The following NUP93 variants were observed in gnomAD, a reference collection of about 807,000 sequenced individuals.
NUP93 encodes nuclear pore complex protein Nup93.
A neutral mutation model predicts 107.8 loss-of-function variants in NUP93; 55 were observed. The ratio of observed to expected loss-of-function variants is 0.51; its 90% CI spans 0.41 to 0.64. The LOEUF (loss-of-function observed/expected upper bound fraction) is 0.64. Among genes scored for constraint, NUP93 ranks in the 30% least tolerant of loss-of-function variants. The pLI, the probability that NUP93 is intolerant of heterozygous loss-of-function variation, is 0.00. For missense variants in NUP93, 937 were observed against 1,044.7 expected (o/e 0.90, Z 1.42); for synonymous variants, 390 against 397.5 (o/e 0.98, Z 0.22).
intron 2 of NUP93, among the ~76,000 whole-genome samples, chr16:56,757,053 G>A (rs1567377798): frequency 6.6e-6 from 1 of 152,154 alleles, no homozygotes; most frequent in Non-Finnish European, 1.5e-5. Context: ...CATCATAGTT[G>A]ACGTGGAAGA....
intron 21 of NUP93, among the ~76,000 whole-genome samples, chr16:56,842,249 G>A (rs1964040278): frequency 6.6e-6 from 1 of 152,158 alleles, no homozygotes; most frequent in Non-Finnish European, 1.5e-5. Context: ...TGTTCACAGT[G>A]ACCCTAGAGA....
At chr16:56,826,813 C>T (rs903948502) in intron 8 of NUP93, among the ~76,000 whole-genome samples, 28 of 151,550 alleles carry the variant, frequency 1.8e-4, no homozygotes, top group Admixed American at 1.6e-3. Flanking sequence ...TTTGAGAGGC[C>T]GAGGCGGGCA....
chr16:56,805,931 C>T (rs1229747526), intron 5 of NUP93, among the ~76,000 whole-genome samples: 6 of 151,820 alleles, frequency 4.0e-5, no homozygotes, highest in African/African-American at 1.5e-4. Context: ...GTGATTTCAT[C>T]TGGGGCTTGG....
At chr16:56,748,152 G>T in intron 1 of NUP93, 82 bp from the exon 2 acceptor site, 3 of 971,412 alleles carry the variant, frequency 3.1e-6, no homozygotes, top group Non-Finnish European at 3.1e-6. Flanking sequence ...CTGCTGTTTT[G>T]TTAAGCTTGT....
intron 5 of NUP93, among the ~76,000 whole-genome samples, chr16:56,808,317 G>A (rs34851809): frequency 0.47 from 14 of 30 alleles, 6 homozygotes; most frequent in South Asian, 1. Flanking sequence ...ATATAGTTAT[G>A]TAACTATATA....
At position 56,816,743 on chromosome 16, in the gene NUP93, T is replaced by A. The variant is rs371574822; in HGVS notation, c.490-1921T>A. On this transcript the variant is annotated intron_variant, in intron 5 of 21. Transcript: ENST00000308159. ...GGGTATATTCAGTGGTGTATAGGGA[T>A]CAACACATGAGGACCTGTTGTTAAA... is the stretch of plus-strand genomic sequence containing the variant. Among the ~76,000 whole-genome samples, 11 of 152,258 alleles carry A rather than the reference T, an allele frequency of 7.2e-5. No homozygotes were observed. In the East Asian group the frequency reaches 1.9e-3, roughly 27 times the overall value.
intron 5 of NUP93, among the ~76,000 whole-genome samples, 188 bp from the exon 6 acceptor site, chr16:56,818,476 C>G (rs966455428): frequency 6.6e-6 from 1 of 152,168 alleles, no homozygotes; most frequent in Non-Finnish European, 1.5e-5. Context: ...CTGCTCTCTT[C>G]TCATGTGTTC....
chr16:56,767,284 G>C (rs1962232685), intron 3 of NUP93, among the ~76,000 whole-genome samples: 1 of 152,240 alleles, frequency 6.6e-6, no homozygotes, highest in Non-Finnish European at 1.5e-5. Context: ...TGCAGCACTT[G>C]AAGCACTGCA....
chr16:56,804,999 G>C (rs1330988893), intron 4 of NUP93, among the ~76,000 whole-genome samples: 1 of 151,952 alleles, frequency 6.6e-6, no homozygotes, highest in Non-Finnish European at 1.5e-5. Context: ...TTGTCAGTAA[G>C]TTTATTTATT....
intron 5 of NUP93, among the ~76,000 whole-genome samples, chr16:56,815,587 G>T (rs1963403831): frequency 6.6e-6 from 1 of 152,176 alleles, no homozygotes; most frequent in Non-Finnish European, 1.5e-5. Flanking sequence ...TGTGTTCGTT[G>T]TGGTGGTTTC....
chr16:56,786,011 A>G (rs1179283781), intron 3 of NUP93, among the ~76,000 whole-genome samples: 1 of 152,170 alleles, frequency 6.6e-6, no homozygotes, highest in Admixed American at 6.5e-5. Context: ...GTGCTTCTTT[A>G]TGGTGAGGTG....
At chr16:56,785,287 T>C (rs1275773313) in intron 3 of NUP93, among the ~76,000 whole-genome samples, 6 of 152,158 alleles carry the variant, frequency 3.9e-5, no homozygotes, top group African/African-American at 1.4e-4. Context: ...TTTTTCCTTT[T>C]GTTGGCTTTA....
chr16:56,769,912 T>C (rs572326828), intron 3 of NUP93, among the ~76,000 whole-genome samples: 7 of 152,234 alleles, frequency 4.6e-5, no homozygotes, highest in Non-Finnish European at 8.8e-5. Flanking sequence ...TTGTATAATA[T>C]GATTTGTCTG....
intron 5 of NUP93, among the ~76,000 whole-genome samples, chr16:56,814,390 A>G (rs768122033): frequency 6.6e-6 from 1 of 152,104 alleles, no homozygotes; most frequent in African/African-American, 2.4e-5. Context: ...GGGTTTCGCC[A>G]TGTCACACAG....
intron 3 of NUP93, among the ~76,000 whole-genome samples, chr16:56,791,087 G>A (rs1445236407): frequency 1.3e-5 from 2 of 152,046 alleles, no homozygotes; most frequent in African/African-American, 4.8e-5. Context: ...GTAGCACCCG[G>A]CACCTATTTT....
At position 56,845,363 on chromosome 16, in the gene NUP93, AC is replaced by A. The variant is rs1308745518; in HGVS notation, c.*755del. On this transcript the variant is annotated 3_prime_UTR_variant, in exon 22 of 22. Coordinates refer to ENST00000308159, the MANE Select transcript of NUP93 (RefSeq NM_014669.5). ...CCTTGTACACACCCCTCCTAGAAAG[AC>A]GTTTAAGCCCCTATTTCCCTTCTCT... 1 of 152,060 alleles carries A rather than the reference AC, an allele frequency of 6.6e-6. No individual in the cohort carries two copies. Among genetic ancestry groups the A allele is most frequent in the East Asian group, 1.9e-4 (1 of 5,192 alleles). 9.4% of individuals were successfully genotyped at this position (152,060 alleles called of 1,614,324 possible). A position where few individuals can be genotyped will look rare whatever the true frequency, so the allele number is the denominator to read the frequency against.
chr16:56,783,121 TGTC>T, intron 3 of NUP93, among the ~76,000 whole-genome samples: 1 of 152,322 alleles, frequency 6.6e-6, no homozygotes. Flanking sequence ...GCTTGTTTGT[TGTC>T]TTCTCTTAAA....
chr16:56,828,989 C>T lies in NUP93; in HGVS notation c.807C>T (p.Tyr269=), dbSNP rs142616969. 5 of 1,613,034 alleles carry T rather than the reference C, an allele frequency of 3.1e-6. No individual in the cohort carries two copies. The highest frequency in any genetic ancestry group is 2.2e-5 in the East Asian group (1 of 44,876). The change falls in exon 9 of 22, where the codon TAC becomes TAT. Residue 269 remains tyrosine, a synonymous_variant. Transcript: ENST00000308159. Reference sequence around the variant, plus strand: ...AAAATTTTTCCAGTTATAAGAATTACACCCTTGTGACTGTCTTTGGAAATT... The same window carrying T: ...AAAATTTTTCCAGTTATAAGAATTATACCCTTGTGACTGTCTTTGGAAATT... ...LAYLEQSYKN[Y]TLVTVFGNLH... is the part of the protein sequence containing the mutation.
chr16:56,783,520 G>C, intron 3 of NUP93: 4 of 985,414 alleles, frequency 4.1e-6, no homozygotes, highest in Non-Finnish European at 4.8e-6. Context: ...AAAGATGGAG[G>C]AAACCTCTAA....
Sources: allele counts gnomAD v4.1 joint callset (sites outside exome capture counted in the v4.1 genomes callset), GRCh38; gene constraint gnomAD v4.1.1; transcripts MANE v1.5; gene names NCBI Gene and HGNC (gene_info 2026-07-23, HGNC 2026-07-21).